SAXO5: variants seen among roughly 807,000 people sequenced by gnomAD.
SAXO5 encodes stabilizer of axonemal microtubules 5.
the SAXO5 span, chr19:7,500,735 T>A: frequency 8.0e-7 from 1 of 1,248,324 alleles, no homozygotes. Flanking sequence ...CAGAAAGGAG[T>A]CAAAAGCAGG....
chr19:7,503,472 T>G, the SAXO5 span, among the ~76,000 whole-genome samples: 5 of 151,692 alleles, frequency 3.3e-5, no homozygotes, highest in Non-Finnish European at 5.9e-5. Flanking sequence ...ATTATTGGGG[T>G]TTTTTTGTTT....
At chr19:7,506,613 C>G in the SAXO5 span, 843 of 356,858 alleles carry the variant, frequency 2.4e-3, 15 homozygotes, top group South Asian at 0.018. Flanking sequence ...CGGCCCCGCC[C>G]CTGACCTTCT....
the SAXO5 span, among the ~76,000 whole-genome samples, chr19:7,505,023 G>A: frequency 7.4e-6 from 1 of 135,716 alleles, no homozygotes; most frequent in Admixed American, 8.3e-5. Context: ...TCGCTCTGTT[G>A]CCCAGGCTTG....
the SAXO5 span, chr19:7,501,193 G>A: frequency 2.6e-6 from 4 of 1,533,546 alleles, no homozygotes; most frequent in Non-Finnish European, 3.5e-6. Context: ...GCCGGGATCG[G>A]CCTCTCCAAC....
At chr19:7,501,897 G>A in the SAXO5 span, among the ~76,000 whole-genome samples, 1 of 120,026 alleles carries the variant, frequency 8.3e-6, no homozygotes, top group African/African-American at 3.4e-5. Context: ...AAGAAGGAAG[G>A]AAGGAAAACA....
the SAXO5 span, among the ~76,000 whole-genome samples, chr19:7,502,767 C>T: frequency 6.6e-6 from 1 of 152,106 alleles, no homozygotes; most frequent in East Asian, 1.9e-4. Context: ...TCCCCGTCTA[C>T]AAAATGGGTG....
At chr19:7,500,745 G>A in the SAXO5 span, 16 of 1,295,662 alleles carry the variant, frequency 1.2e-5, no homozygotes, top group African/African-American at 1.6e-4. Context: ...TCAAAAGCAG[G>A]AGTCAAAGGC....
the SAXO5 span, among the ~76,000 whole-genome samples, chr19:7,497,927 G>A: frequency 6.6e-6 from 1 of 151,970 alleles, no homozygotes; most frequent in Admixed American, 6.6e-5. Context: ...GAGGAGGGTG[G>A]ATCACCTGAG....
the SAXO5 span, chr19:7,506,382 T>C: frequency 2.0e-6 from 1 of 510,674 alleles, no homozygotes; most frequent in African/African-American, 2.9e-5. Flanking sequence ...AAAGGCTAAA[T>C]CCCACCCCCA....
chr19:7,508,228 C>G, the SAXO5 span: 1 of 1,613,928 alleles, frequency 6.2e-7, no homozygotes, highest in Non-Finnish European at 8.5e-7. Context: ...CACATGGAGC[C>G]CCCTCTGGGT....
the SAXO5 span, chr19:7,506,144 T>A: frequency 0.37 from 588,613 of 1,603,490 alleles, 110,209 homozygotes; most frequent in African/African-American, 0.52. Flanking sequence ...GCAGCAAAGC[T>A]ACCTGCCGCG....
chr19:7,500,951 G>A, the SAXO5 span: 1 of 1,573,632 alleles, frequency 6.4e-7, no homozygotes, highest in East Asian at 2.4e-5. Context: ...GCACCACGTC[G>A]CACCGGGACT....
At chr19:7,501,396 C>T in the SAXO5 span, 1 of 1,487,180 alleles carries the variant, frequency 6.7e-7, no homozygotes, top group Non-Finnish European at 8.8e-7. Context: ...CAGTTGCCAC[C>T]TCGGTGAGCG....
At chr19:7,505,478 C>T in the SAXO5 span, 23 of 1,613,470 alleles carry the variant, frequency 1.4e-5, no homozygotes, top group Non-Finnish European at 1.6e-5. Context: ...CCCACCGCAG[C>T]CTCCCAGGGC....
the SAXO5 span, chr19:7,506,970 T>C: frequency 1.8e-6 from 2 of 1,141,898 alleles, no homozygotes; most frequent in Non-Finnish European, 2.6e-6. Flanking sequence ...GGCTTGGCTC[T>C]TGAACCCTTC....
the SAXO5 span, chr19:7,497,745 T>A: frequency 1.3e-5 from 2 of 152,224 alleles, no homozygotes; most frequent in African/African-American, 2.4e-5. Context: ...GGGAGCTTAA[T>A]GACTTATTCC....
the SAXO5 span, among the ~76,000 whole-genome samples, chr19:7,498,728 G>A: frequency 2.0e-5 from 3 of 152,118 alleles, no homozygotes; most frequent in African/African-American, 4.8e-5. Flanking sequence ...GAGGTAAGCA[G>A]GTTTTGTGGG....
chr19:7,504,105 C>G, the SAXO5 span: 1 of 1,293,732 alleles, frequency 7.7e-7, no homozygotes, highest in South Asian at 1.2e-5. Flanking sequence ...CCCCCATCCC[C>G]CTTGCCTATC....
At chr19:7,507,838 G>T in the SAXO5 span, among the ~76,000 whole-genome samples, 1 of 152,072 alleles carries the variant, frequency 6.6e-6, no homozygotes, top group African/African-American at 2.4e-5. Context: ...AACCTCCCCA[G>T]CCTTTGATGC....
Sources: gnomAD v4.1 joint callset for allele counts (sites outside exome capture counted in the v4.1 genomes callset) on GRCh38, gnomAD v4.1.1 for gene constraint, MANE v1.5 for transcripts, NCBI Gene and HGNC (gene_info 2026-07-23, HGNC 2026-07-21) for gene names.